Variants in PRAG1 observed in about 807,000 individuals in gnomAD.
PRAG1 encodes PEAK1 related, kinase-activating pseudokinase 1.
Under a neutral mutation model 95.6 loss-of-function variants are expected in PRAG1, and 110 were observed. The observed-to-expected ratio is 1.15, with a 90% CI of 0.99 to 1.35. The LOEUF is 1.35. Among genes scored for constraint, PRAG1 ranks in the 40% most tolerant of loss-of-function variants. The pLI is 0.00. For missense variants in PRAG1, 2,554 were observed against 1,864.7 expected (o/e 1.37, Z -6.81); for synonymous variants, 1,052 against 819.4 (o/e 1.28, Z -4.85).
intron 3 of PRAG1, among the ~76,000 whole-genome samples, chr8:8,341,216 T>G (rs1219821839): frequency 1.3e-5 from 2 of 152,162 alleles, no homozygotes; most frequent in African/African-American, 4.8e-5. Context: ...GCACCATGGC[T>G]ACAGAGCTGG....
At chr8:8,352,074 A>C (rs1799539183) in intron 3 of PRAG1, among the ~76,000 whole-genome samples, 1 of 152,186 alleles carries the variant, frequency 6.6e-6, no homozygotes, top group African/African-American at 2.4e-5. Flanking sequence ...GATTTGGTGA[A>C]TATTTCAAAT....
At chr8:8,330,191 C>A (rs1272218423) in intron 4 of PRAG1, among the ~76,000 whole-genome samples, 1 of 152,038 alleles carries the variant, frequency 6.6e-6, no homozygotes, top group South Asian at 2.1e-4. Context: ...AATGGCGAAC[C>A]CCCAACTCTA....
chr8:8,349,871 A>G (rs182418833), intron 3 of PRAG1, among the ~76,000 whole-genome samples: 11 of 152,098 alleles, frequency 7.2e-5, no homozygotes, highest in African/African-American at 2.2e-4. Flanking sequence ...TTAACTTCAT[A>G]TTCAGTAGAA....
At chr8:8,346,990 G>A (rs1799364551) in intron 3 of PRAG1, among the ~76,000 whole-genome samples, 1 of 152,182 alleles carries the variant, frequency 6.6e-6, no homozygotes, top group South Asian at 2.1e-4. Flanking sequence ...GTAATGATCT[G>A]GAGAAGATCT....
At chr8:8,370,240 G>A (rs923876667) in intron 3 of PRAG1, among the ~76,000 whole-genome samples, 2 of 152,192 alleles carry the variant, frequency 1.3e-5, no homozygotes, top group Middle Eastern at 3.2e-3. Flanking sequence ...GTGTTTCAAG[G>A]TTCCATCCCC....
intron 3 of PRAG1, among the ~76,000 whole-genome samples, chr8:8,350,599 A>G (rs1041375862): frequency 6.6e-6 from 1 of 152,206 alleles, no homozygotes; most frequent in African/African-American, 2.4e-5. Flanking sequence ...GGGAAGAACA[A>G]TGATGCTAGC....
chr8:8,347,204 C>T (rs547870422), intron 3 of PRAG1, among the ~76,000 whole-genome samples: 11 of 152,322 alleles, frequency 7.2e-5, no homozygotes, highest in East Asian at 5.8e-4. Flanking sequence ...GAGGCCTCCC[C>T]GGCCTTGTGA....
At chr8:8,355,710 A>G (rs1799659199) in intron 3 of PRAG1, among the ~76,000 whole-genome samples, 1 of 152,166 alleles carries the variant, frequency 6.6e-6, no homozygotes, top group African/African-American at 2.4e-5. Context: ...TGCTGGGAAA[A>G]CTGTATCTCC....
rs374060425 is a variant in PRAG1, at chr8:8,377,209, C to A, written c.1200G>T (p.Pro400=). The change falls in exon 3 of 6, where the codon CCG becomes CCT. Residue 400 remains proline (P), a synonymous_variant. Transcript: ENST00000615670. ...CLGLTGEPQP[P]AHPREATQPE... ...GCTGTGTAGCCTCCCGGGGGTGGGC[C>A]GGGGGCTGGGGCTCCCCCGTCAGCC... 8 of 1,584,702 alleles carry A rather than the reference C, an allele frequency of 5.0e-6. No homozygotes were observed. Among genetic ancestry groups the A allele is most frequent in the Non-Finnish European group, 4.3e-6 (5 of 1,157,784 alleles).
At chr8:8,356,158 G>C (rs1445959962) in intron 3 of PRAG1, among the ~76,000 whole-genome samples, 1 of 152,108 alleles carries the variant, frequency 6.6e-6, no homozygotes, top group African/African-American at 2.4e-5. Context: ...CTCACCAACA[G>C]ATAAATGAAA....
intron 4 of PRAG1, 132 bp downstream of exon 4, chr8:8,339,346 A>T (rs1033169485): frequency 1.1e-6 from 1 of 925,310 alleles, no homozygotes; most frequent in Non-Finnish European, 1.6e-6. Flanking sequence ...TCCCTGGAAG[A>T]GTCTACTTCA....
At chr8:8,342,130 C>G (rs184922421) in intron 3 of PRAG1, among the ~76,000 whole-genome samples, 4 of 147,144 alleles carry the variant, frequency 2.7e-5, no homozygotes, top group East Asian at 2.0e-4. Flanking sequence ...AACTGTGTCT[C>G]AAAAAAAAGA....
At chr8:8,358,510 G>T (rs1299319674) in intron 3 of PRAG1, among the ~76,000 whole-genome samples, 2 of 152,140 alleles carry the variant, frequency 1.3e-5, no homozygotes. Context: ...TTTTTCAGGT[G>T]ACCAACTCCC....
At chr8:8,361,551 C>A (rs1004100141) in intron 3 of PRAG1, among the ~76,000 whole-genome samples, 1 of 152,200 alleles carries the variant, frequency 6.6e-6, no homozygotes, top group African/African-American at 2.4e-5. Flanking sequence ...CCCCCTTCAC[C>A]TGTTTTCAGA....
intron 3 of PRAG1, among the ~76,000 whole-genome samples, chr8:8,357,502 C>T (rs1350316558): frequency 1.3e-5 from 2 of 152,102 alleles, no homozygotes; most frequent in Non-Finnish European, 2.9e-5. Flanking sequence ...ACAACTCATC[C>T]CATTAGGATG....
chr8:8,319,421 G>C (rs1403558772), intron 5 of PRAG1, 119 bp from the exon 6 acceptor site: 1 of 733,342 alleles, frequency 1.4e-6, no homozygotes. Context: ...TTAAGGGTAA[G>C]AGCAATCCAT....
At chr8:8,320,271 C>T (rs1196589044) in intron 5 of PRAG1, among the ~76,000 whole-genome samples, 1 of 152,066 alleles carries the variant, frequency 6.6e-6, no homozygotes, top group Non-Finnish European at 1.5e-5. Context: ...GAAGAAGGAA[C>T]CAGAAGGAAC....
In PRAG1 at chr8:8,318,434, T is replaced by G; in HGVS notation, c.3941A>C (p.Lys1314Thr). ...CTTGGCCTCGCCGATGCGGATACGC[T>G]TGATGGGGTCGGCCTCCAGTAGCAG... ...AHLLLEADPIKRIRIGEAKRV... is the reference protein window; with the variant it reads ...AHLLLEADPITRIRIGEAKRV... The change falls in exon 6 of 6, where the codon AAG (lysine) becomes ACG (threonine). Residue 1314 changes from lysine (K) to threonine (T), a missense_variant. Coordinates refer to ENST00000615670, the MANE Select transcript of PRAG1 (RefSeq NM_001080826.3). The surrounding 1 kb of genome is among the most constrained non-coding windows in gnomAD (Gnocchi z 4.2). 6.2e-7 allele frequency: 1 copy of G among 1,612,644 alleles called. No individual in the cohort carries two copies. Among genetic ancestry groups the G allele is most frequent in the Non-Finnish European group, 8.5e-7 (1 of 1,179,782 alleles).
chr8:8,367,698 G>A (rs182811647), intron 3 of PRAG1, among the ~76,000 whole-genome samples: 45 of 151,992 alleles, frequency 3.0e-4, no homozygotes, highest in African/African-American at 1.0e-3. Context: ...CTGGAGTGCA[G>A]TGGCGTGATC....
Sources: allele counts gnomAD v4.1 joint callset (sites outside exome capture counted in the v4.1 genomes callset), GRCh38; gene constraint gnomAD v4.1.1; non-coding constraint Gnocchi (gnomAD v3.1); transcripts MANE v1.5; gene names NCBI Gene and HGNC (gene_info 2026-07-23, HGNC 2026-07-21).